CEP97: variants seen among roughly 807,000 people sequenced by gnomAD.
CEP97 encodes centrosomal protein of 97 kDa.
CEP97 carries 43 observed loss-of-function variants against 73.1 expected under a neutral mutation model. That is an observed-to-expected ratio of 0.59 (90% CI 0.46 to 0.76). CEP97 has a LOEUF of 0.76. Ranked by LOEUF, CEP97 falls within the 30% of genes least tolerant of loss-of-function variation. The pLI is 0.00. For synonymous variants in CEP97, 337 were observed against 370.0 expected (o/e 0.91, Z 1.02); for missense variants, 939 against 1,014.0 (o/e 0.93, Z 1.00).
chr3:101,764,398 C>T lies in CEP97; in HGVS notation c.1894-449C>T, dbSNP rs374116938. 1.1e-3 allele frequency among the ~76,000 whole-genome samples: 174 copies of T among 152,126 alleles called. 1 individual carries two copies. Among genetic ancestry groups the T allele is most frequent in the African/African-American group, 3.8e-3 (156 of 41,494 alleles). On this transcript the variant is annotated intron_variant, in intron 10 of 10. Coordinates refer to ENST00000341893, the MANE Select transcript of CEP97 (RefSeq NM_024548.4). ...AGGCCAAGGTGGGCGGATCACCTGACGTCAGGAGTTTGAGACCAGCCTGAC... is the reference window on the plus strand; with the variant it reads ...AGGCCAAGGTGGGCGGATCACCTGATGTCAGGAGTTTGAGACCAGCCTGAC...
At chr3:101,752,090 G>T (rs1324499374) in intron 6 of CEP97, among the ~76,000 whole-genome samples, 1 of 152,064 alleles carries the variant, frequency 6.6e-6, no homozygotes, top group Non-Finnish European at 1.5e-5. Context: ...CAGGCCTGGT[G>T]GTGACAAAAT....
chr3:101,750,061 T>A (rs1342683495), intron 6 of CEP97, among the ~76,000 whole-genome samples: 1 of 143,668 alleles, frequency 7.0e-6, no homozygotes, highest in African/African-American at 2.6e-5. Context: ...AGACATGAAG[T>A]CCTTGCCCAT....
intron 1 of CEP97, among the ~76,000 whole-genome samples, chr3:101,724,961 G>A (rs931008202): frequency 6.6e-6 from 1 of 152,248 alleles, no homozygotes; most frequent in Non-Finnish European, 1.5e-5. Context: ...CGCGCGGCCC[G>A]GCGCCCTGGC....
chr3:101,756,970 A>G (rs1319881183), intron 7 of CEP97, 93 bp from the exon 8 acceptor site: 1 of 1,223,254 alleles, frequency 8.2e-7, no homozygotes, highest in East Asian at 2.4e-5. Context: ...AGAACTTGTA[A>G]ACTTCTGCCT....
intron 6 of CEP97, among the ~76,000 whole-genome samples, chr3:101,739,592 G>A (rs1416011934): frequency 1.3e-5 from 2 of 152,096 alleles, no homozygotes; most frequent in East Asian, 1.9e-4. Context: ...CTCAATAGAT[G>A]CAGAAAAGGC....
At chr3:101,745,110 A>C (rs1938573534) in intron 6 of CEP97, among the ~76,000 whole-genome samples, 1 of 152,180 alleles carries the variant, frequency 6.6e-6, no homozygotes, top group South Asian at 2.1e-4. Flanking sequence ...GTTCTTTCTG[A>C]ATGTGTTTAG....
At chr3:101,732,841 T>C (rs1167370563) in intron 6 of CEP97, among the ~76,000 whole-genome samples, 187 bp downstream of exon 6, 2 of 152,124 alleles carry the variant, frequency 1.3e-5, no homozygotes, top group Non-Finnish European at 2.9e-5. Context: ...GAAATAAATA[T>C]TGGCCTGGTG....
chr3:101,728,773 A>G, intron 3 of CEP97, 63 bp from the exon 4 acceptor site: 2 of 1,024,550 alleles, frequency 2.0e-6, no homozygotes, highest in Middle Eastern at 2.0e-4. Context: ...GCAAAGAACT[A>G]GGGAATAATT....
At chr3:101,746,160 G>A (rs1461545203) in intron 6 of CEP97, among the ~76,000 whole-genome samples, 1 of 152,130 alleles carries the variant, frequency 6.6e-6, no homozygotes, top group Non-Finnish European at 1.5e-5. Flanking sequence ...TATCATTGTT[G>A]GACATTTGGG....
rs7635361 is a variant in CEP97, at chr3:101,734,068, C to T, written c.728+1414C>T. Among the ~76,000 whole-genome samples, 6 of 152,162 alleles carry T rather than the reference C, an allele frequency of 3.9e-5. No homozygotes were observed. In the South Asian group the frequency reaches 6.2e-4, roughly 16 times the overall value. ...CTCAAACTCCTGACCTCAGGTGATG[C>T]GCCCGCCTCGGCCTCCCAAAGTGTT... On this transcript the variant is annotated intron_variant, in intron 6 of 10. Transcript: ENST00000341893.
chr3:101,765,049 C>T lies in CEP97; in HGVS notation c.2096C>T (p.Pro699Leu), dbSNP rs767905861. 1.2e-6 allele frequency: 2 copies of T among 1,614,064 alleles called. No homozygotes were observed. Among genetic ancestry groups the T allele is most frequent in the African/African-American group, 2.7e-5 (2 of 75,020 alleles). Reference sequence around the variant, plus strand: ...CAAGAGAAATCATTACCAGAATTTCCAGACTCTGGTTTTCATTCCTCTCTA... The same window carrying T: ...CAAGAGAAATCATTACCAGAATTTCTAGACTCTGGTTTTCATTCCTCTCTA... ...APQEKSLPEFPDSGFHSSLTE... is the reference protein window; with the variant it reads ...APQEKSLPEFLDSGFHSSLTE... Residue 699 changes from proline (P) to leucine (L), a missense_variant, in exon 11 of 11, where the codon CCA (proline) becomes CTA (leucine). Pro to Leu is a moderately conservative substitution (Grantham distance 98). Coordinates refer to ENST00000341893, the MANE Select transcript of CEP97 (RefSeq NM_024548.4).
chr3:101,761,766 T>TG (rs1310160845), intron 9 of CEP97, among the ~76,000 whole-genome samples: 2 of 151,944 alleles, frequency 1.3e-5, no homozygotes, highest in Non-Finnish European at 1.5e-5. Flanking sequence ...GAGAAAGGCT[T>TG]GGGGGGCTAG....
chr3:101,732,942 T>G (rs1170277018), intron 6 of CEP97, among the ~76,000 whole-genome samples: 1 of 146,106 alleles, frequency 6.8e-6, no homozygotes, highest in East Asian at 2.0e-4. Flanking sequence ...CTGGGCAATA[T>G]AGGGAGACCA....
At chr3:101,743,805 C>T (rs995893758) in intron 6 of CEP97, among the ~76,000 whole-genome samples, 1 of 151,972 alleles carries the variant, frequency 6.6e-6, no homozygotes, top group African/African-American at 2.4e-5. Context: ...GAGTTTGAGA[C>T]CAGCCTGACC....
intron 5 of CEP97, 77 bp downstream of exon 5, chr3:101,732,030 A>G (rs1009488845): frequency 2.0e-5 from 16 of 803,804 alleles, no homozygotes; most frequent in Non-Finnish European, 3.2e-5. Context: ...TTGTGAGCTT[A>G]CTTTTAGACT....
chr3:101,742,240 T>C lies in CEP97; in HGVS notation c.728+9586T>C, dbSNP rs138930328. Among the ~76,000 whole-genome samples the C allele has an allele frequency of 3.5e-4, 53 of 152,132 alleles. 1 individual carries two copies. Among genetic ancestry groups the C allele is most frequent in the African/African-American group, 1.2e-3 (51 of 41,504 alleles). ...CTCAGCAATCCCATTACCGAGTATA[T>C]ACCCAAAGGATTATAAATCATTCTA... On this transcript the variant is annotated intron_variant, in intron 6 of 10. Transcript: ENST00000341893.
rs1353706334 is a variant in CEP97 at position 101,768,369 on chromosome 3, T to C, written c.*2818T>C. The C allele has an allele frequency of 6.6e-6, 1 of 152,242 alleles. No homozygotes were observed. Among genetic ancestry groups the C allele is most frequent in the African/African-American group, 2.4e-5 (1 of 41,476 alleles). The allele number at this position is 152,242 out of a possible 1,614,324, so 9.4% of individuals were successfully genotyped here. ...GAGTCAGTAAGGAAATCTCTGCATATTTCTCATTCTCTTTGAAAGAGGAAA... is the reference window on the plus strand; with the variant it reads ...GAGTCAGTAAGGAAATCTCTGCATACTTCTCATTCTCTTTGAAAGAGGAAA... On this transcript the variant is annotated 3_prime_UTR_variant, in exon 11 of 11. Transcript: ENST00000341893.
At chr3:101,727,671 C>T in intron 3 of CEP97, 130 bp downstream of exon 3, 1 of 661,464 alleles carries the variant, frequency 1.5e-6, no homozygotes, top group Non-Finnish European at 2.4e-6. Flanking sequence ...TTAAAATAAA[C>T]TAAAAATAAA....
chr3:101,750,189 A>T (rs1311196440), intron 6 of CEP97, among the ~76,000 whole-genome samples: 2 of 144,866 alleles, frequency 1.4e-5, no homozygotes, highest in Non-Finnish European at 3.0e-5. Context: ...TAAGGAAGGG[A>T]TCCAGTTTCA....
Sources: gnomAD v4.1 joint callset for allele counts (sites outside exome capture counted in the v4.1 genomes callset) on GRCh38, gnomAD v4.1.1 for gene constraint, MANE v1.5 for transcripts, NCBI Gene and HGNC (gene_info 2026-07-23, HGNC 2026-07-21) for gene names.